Variants in CNKSR3 observed in about 807,000 individuals in gnomAD.
CNKSR3 encodes connector enhancer of kinase suppressor of ras 3.
CNKSR3 carries 36 observed loss-of-function variants against 67.7 expected under a neutral mutation model. The observed-to-expected ratio is 0.53, with a 90% CI of 0.41 to 0.70. The LOEUF is 0.70. CNKSR3 is among the 30% of genes least tolerant of loss of function. The pLI, the probability that CNKSR3 is intolerant of heterozygous loss-of-function variation, is 0.00. For synonymous variants in CNKSR3, 281 were observed against 271.4 expected (o/e 1.04, Z -0.35); for missense variants, 630 against 695.2 (o/e 0.91, Z 1.05).
At chr6:154,474,257 T>C (rs1415887503) in intron 1 of CNKSR3, among the ~76,000 whole-genome samples, 1 of 150,828 alleles carries the variant, frequency 6.6e-6, no homozygotes, top group African/African-American at 2.4e-5. Context: ...CTAAAAAACA[T>C]AAAAAATTAG....
At chr6:154,486,644 C>A (rs1326344967) in intron 1 of CNKSR3, among the ~76,000 whole-genome samples, 3 of 151,058 alleles carry the variant, frequency 2.0e-5, no homozygotes, top group Admixed American at 6.6e-5. Context: ...AGGCACACAC[C>A]ACCACACCCA....
chr6:154,421,818 G>A (rs185296871), intron 9 of CNKSR3, among the ~76,000 whole-genome samples: 4 of 152,182 alleles, frequency 2.6e-5, no homozygotes, highest in Admixed American at 1.3e-4. Flanking sequence ...AGTTATGTAG[G>A]TATGTGTTTG....
intron 12 of CNKSR3, among the ~76,000 whole-genome samples, chr6:154,407,885 A>AAAAAC (rs1784833442): frequency 6.6e-6 from 1 of 151,116 alleles, no homozygotes; most frequent in Non-Finnish European, 1.5e-5. Flanking sequence ...AAAAAAAAAA[A>AAAAAC]AAAAAAAAAA....
chr6:154,501,911 C>T (rs1204581726), intron 1 of CNKSR3, among the ~76,000 whole-genome samples: 1 of 152,006 alleles, frequency 6.6e-6, no homozygotes, highest in Non-Finnish European at 1.5e-5. Context: ...AGACCGAAGA[C>T]GGACTTGATT....
chr6:154,495,802 G>A (rs56730602), intron 1 of CNKSR3, among the ~76,000 whole-genome samples: 20,007 of 151,918 alleles, frequency 0.13, 1,558 homozygotes, highest in African/African-American at 0.22. Flanking sequence ...CCTGTGTGGC[G>A]CCTCTTGCTG....
chr6:154,407,603 C>T (rs774855905), intron 12 of CNKSR3, among the ~76,000 whole-genome samples: 19 of 151,934 alleles, frequency 1.3e-4, no homozygotes, highest in South Asian at 4.2e-4. Context: ...CAGGCTCAAG[C>T]GATCCTCCCA....
Position 154,399,605 on chromosome 6 carries a change from G to C in CNKSR3, c.*6749C>G, listed in dbSNP as rs192957531. ...TGATGCAAATTCCCAAAAGTCAAAG[G>C]CTTCTAAATTCGCGCTAATTCCTCA... On this transcript the variant is annotated 3_prime_UTR_variant, in exon 13 of 13. Transcript: ENST00000607772. The C allele has an allele frequency of 6.6e-5, 10 of 152,074 alleles. No individual in the cohort carries two copies. The highest frequency in any genetic ancestry group is 3.3e-4 in the Admixed American group (5 of 15,268). The allele number at this position is 152,074 out of a possible 1,614,324, so 9.4% of individuals were successfully genotyped here.
intron 1 of CNKSR3, among the ~76,000 whole-genome samples, chr6:154,482,203 T>A (rs1786580465): frequency 1.3e-5 from 2 of 152,200 alleles, no homozygotes. Context: ...TCAGAGATTG[T>A]TTATCAGGCC....
At chr6:154,487,016 A>AT (rs1410488971) in intron 1 of CNKSR3, among the ~76,000 whole-genome samples, 1 of 150,986 alleles carries the variant, frequency 6.6e-6, no homozygotes, top group African/African-American at 2.4e-5. Context: ...GGTTCAAGTG[A>AT]TTCTCCTGCC....
At chr6:154,480,377 G>A (rs889914913) in intron 1 of CNKSR3, among the ~76,000 whole-genome samples, 5 of 152,174 alleles carry the variant, frequency 3.3e-5, no homozygotes, top group Non-Finnish European at 7.3e-5. Context: ...TTCAACACGG[G>A]TTATTTTACT....
chr6:154,400,681 A>G lies in CNKSR3; in HGVS notation c.*5673T>C, dbSNP rs903729784. 2 of 152,070 alleles carry G rather than the reference A, an allele frequency of 1.3e-5. No individual in the cohort carries two copies. Among genetic ancestry groups the G allele is most frequent in the Admixed American group, 6.6e-5 (1 of 15,250 alleles). 9.4% of individuals were successfully genotyped at this position (152,070 alleles called of 1,614,324 possible). Reference sequence around the variant, plus strand: ...CACACATATATAGGGTTTGGGACAGACTCCACACCCCTAAAACTAGAGGAA... The same window carrying G: ...CACACATATATAGGGTTTGGGACAGGCTCCACACCCCTAAAACTAGAGGAA... On this transcript the variant is annotated 3_prime_UTR_variant, in exon 13 of 13. Coordinates refer to ENST00000607772, the MANE Select transcript of CNKSR3 (RefSeq NM_173515.4).
At chr6:154,418,178 C>T (rs1358294917) in intron 9 of CNKSR3, among the ~76,000 whole-genome samples, 1 of 152,186 alleles carries the variant, frequency 6.6e-6, no homozygotes, top group Non-Finnish European at 1.5e-5. Flanking sequence ...AGCAGGGCCA[C>T]CAGAACCCGG....
At chr6:154,435,879 T>G (rs1785460817) in intron 4 of CNKSR3, among the ~76,000 whole-genome samples, 1 of 152,244 alleles carries the variant, frequency 6.6e-6, no homozygotes, top group Non-Finnish European at 1.5e-5. Context: ...TAAAATGGGG[T>G]GATAACAAAG....
chr6:154,430,749 T>A (rs1785349059), intron 5 of CNKSR3, among the ~76,000 whole-genome samples, 158 bp from the exon 6 acceptor site: 1 of 152,224 alleles, frequency 6.6e-6, no homozygotes, highest in South Asian at 2.1e-4. Flanking sequence ...TTAGACTCCA[T>A]GTTTACCATC....
intron 1 of CNKSR3, among the ~76,000 whole-genome samples, chr6:154,498,498 GACA>G (rs913742600): frequency 6.6e-6 from 1 of 152,156 alleles, no homozygotes; most frequent in Non-Finnish European, 1.5e-5. Flanking sequence ...GCAGAAACCA[GACA>G]ACACATGGCT....
At chr6:154,475,248 C>T (rs1786419375) in intron 1 of CNKSR3, among the ~76,000 whole-genome samples, 1 of 152,142 alleles carries the variant, frequency 6.6e-6, no homozygotes, top group African/African-American at 2.4e-5. Flanking sequence ...AGAACAAGTT[C>T]TGCTAAGAAG....
In CNKSR3 at chr6:154,397,404, G is replaced by T. The variant is rs1784672112; in HGVS notation, c.*8950C>A. The T allele has an allele frequency of 6.6e-6, 1 of 152,210 alleles. No individual in the cohort carries two copies. The highest frequency in any genetic ancestry group is 1.5e-5 in the Non-Finnish European group (1 of 68,030). 9.4% of individuals were successfully genotyped at this position (152,210 alleles called of 1,614,324 possible). On this transcript the variant is annotated 3_prime_UTR_variant, in exon 13 of 13. Coordinates refer to ENST00000607772, the MANE Select transcript of CNKSR3 (RefSeq NM_173515.4). ...TTAATTCTTTTCTTCTCTAAAAGTA[G>T]GTTTCTGTTTTTTGGAGGGGATTTA...
intron 7 of CNKSR3, among the ~76,000 whole-genome samples, chr6:154,423,499 C>T (rs916598838): frequency 2.6e-5 from 4 of 152,152 alleles, no homozygotes; most frequent in Non-Finnish European, 5.9e-5. Flanking sequence ...TTCAGGTGAT[C>T]TGCCCACCTC....
At chr6:154,414,931 A>G (rs770950772) in intron 9 of CNKSR3, among the ~76,000 whole-genome samples, 1 of 151,784 alleles carries the variant, frequency 6.6e-6, no homozygotes, top group Non-Finnish European at 1.5e-5. Context: ...CCCAGTCCCT[A>G]CGAAAAAAAT....
Sources: gnomAD v4.1 joint callset for allele counts (sites outside exome capture counted in the v4.1 genomes callset) on GRCh38, gnomAD v4.1.1 for gene constraint, MANE v1.5 for transcripts, NCBI Gene and HGNC (gene_info 2026-07-23, HGNC 2026-07-21) for gene names.